SORCS2: variants seen among roughly 807,000 people sequenced by gnomAD.
SORCS2 encodes the protein sortilin related VPS10 domain containing receptor 2.
In SORCS2, 100 loss-of-function variants were observed where a neutral mutation model predicts 141.6. That is an observed-to-expected ratio of 0.71 (90% CI 0.60 to 0.83). The LOEUF is 0.83. Among genes scored for constraint, SORCS2 ranks in the 40% least tolerant of loss-of-function variants. The pLI, the probability that SORCS2 is intolerant of heterozygous loss-of-function variation, is 0.00. For missense variants in SORCS2, 1,646 were observed against 1,560.2 expected (o/e 1.05, Z -0.93); for synonymous variants, 789 against 676.9 (o/e 1.17, Z -2.57).
intron 1 of SORCS2, among the ~76,000 whole-genome samples, chr4:7,388,220 T>C (rs1484808871): frequency 2.6e-5 from 4 of 152,212 alleles, no homozygotes; most frequent in Non-Finnish European, 5.9e-5. Context: ...TTGGCCTGGC[T>C]CCTGCTCCTA....
chr4:7,466,160 A>G (rs184739152), intron 2 of SORCS2, among the ~76,000 whole-genome samples: 1 of 152,318 alleles, frequency 6.6e-6, no homozygotes, highest in African/African-American at 2.4e-5. Flanking sequence ...CCCCAAACCA[A>G]AAGGTGTTTC....
intron 4 of SORCS2, among the ~76,000 whole-genome samples, chr4:7,639,614 C>T (rs1050365379): frequency 1.4e-5 from 2 of 147,964 alleles, no homozygotes; most frequent in Non-Finnish European, 3.0e-5. Flanking sequence ...TGTATATGTG[C>T]GTGTGAATGT....
rs112120121 is a variant in SORCS2, at chr4:7,325,962, T to A, written c.481-70326T>A. Among the ~76,000 whole-genome samples the A allele has an allele frequency of 7.6e-3, 1,163 of 152,192 alleles. 9 individuals carry two copies. The highest frequency in any genetic ancestry group is 0.026 in the African/African-American group (1,065 of 41,502). Reference sequence around the variant, plus strand: ...AAGAGAGTGGGAACCTCAATGTCCCTGAGTGGAGGGCGTGGGAGTGAGCAG... The same window carrying A: ...AAGAGAGTGGGAACCTCAATGTCCCAGAGTGGAGGGCGTGGGAGTGAGCAG... On this transcript the variant is annotated intron_variant, in intron 1 of 26. Coordinates refer to ENST00000507866, the MANE Select transcript of SORCS2 (RefSeq NM_020777.3).
At chr4:7,255,617 C>T (rs1021593249) in intron 1 of SORCS2, among the ~76,000 whole-genome samples, 1 of 152,182 alleles carries the variant, frequency 6.6e-6, no homozygotes, top group Non-Finnish European at 1.5e-5. Context: ...GCTGGTTAGC[C>T]TCGTCTTCTC....
chr4:7,677,510 C>A (rs1159782149), intron 9 of SORCS2, among the ~76,000 whole-genome samples: 1 of 152,122 alleles, frequency 6.6e-6, no homozygotes, highest in African/African-American at 2.4e-5. Context: ...CCTCTTGGGA[C>A]CCCTCTCAGT....
intron 23 of SORCS2, among the ~76,000 whole-genome samples, chr4:7,730,857 A>G (rs1351016188): frequency 6.6e-6 from 1 of 152,262 alleles, no homozygotes; most frequent in Non-Finnish European, 1.5e-5. Flanking sequence ...ATTAAATTGT[A>G]CACTTTAAAA....
chr4:7,266,311 G>A (rs1182997873), intron 1 of SORCS2, among the ~76,000 whole-genome samples: 1 of 152,190 alleles, frequency 6.6e-6, no homozygotes, highest in Non-Finnish European at 1.5e-5. Context: ...GACTCCTCTG[G>A]TGAAGTGTCG....
chr4:7,455,409 G>GT (rs538750040), intron 2 of SORCS2, among the ~76,000 whole-genome samples: 239 of 129,120 alleles, frequency 1.9e-3, no homozygotes, highest in African/African-American at 6.7e-3. Context: ...GTTGGGGTCA[G>GT]GCACTGTGTT....
chr4:7,306,454 T>C (rs926787436), intron 1 of SORCS2, among the ~76,000 whole-genome samples: 1 of 152,120 alleles, frequency 6.6e-6, no homozygotes, highest in African/African-American at 2.4e-5. Context: ...CTGCTGTGTC[T>C]GAGGGTTTGC....
intron 3 of SORCS2, among the ~76,000 whole-genome samples, chr4:7,592,825 T>A (rs899975263): frequency 6.6e-6 from 1 of 152,136 alleles, no homozygotes; most frequent in Non-Finnish European, 1.5e-5. Flanking sequence ...TGTTGAATGA[T>A]TGAATGAATG....
At chr4:7,694,023 C>A (rs977292385) in intron 11 of SORCS2, among the ~76,000 whole-genome samples, 1 of 152,240 alleles carries the variant, frequency 6.6e-6, no homozygotes, top group Non-Finnish European at 1.5e-5. Context: ...TCTTGGTGAT[C>A]GCCGGTGCTC....
chr4:7,717,997 C>T lies in SORCS2; in HGVS notation c.2253-15C>T. 6.3e-7 allele frequency: 1 copy of T among 1,593,124 alleles called. No homozygotes were observed. Among genetic ancestry groups the T allele is most frequent in the Non-Finnish European group, 8.6e-7 (1 of 1,169,022 alleles). ...CCTGTCTGAAGCGGACCCTGACCCT[C>T]TCTTGTCAATCCAGGTACCGGAAAG... On this transcript the variant is annotated splice_polypyrimidine_tract_variant and intron_variant, in intron 17 of 26. Transcript: ENST00000507866.
intron 1 of SORCS2, among the ~76,000 whole-genome samples, chr4:7,313,699 C>A (rs999122466): frequency 6.6e-6 from 1 of 152,212 alleles, no homozygotes; most frequent in Non-Finnish European, 1.5e-5. Context: ...CACTGCCTCT[C>A]GCCTCCCCTT....
At chr4:7,705,443 C>T (rs1402881437) in intron 14 of SORCS2, among the ~76,000 whole-genome samples, 1 of 152,204 alleles carries the variant, frequency 6.6e-6, no homozygotes, top group East Asian at 1.9e-4. Flanking sequence ...ACGAGGCTGC[C>T]GCGACAGCCC....
At chr4:7,210,317 T>C (rs946774555) in intron 1 of SORCS2, among the ~76,000 whole-genome samples, 5 of 152,232 alleles carry the variant, frequency 3.3e-5, no homozygotes, top group African/African-American at 7.2e-5. Flanking sequence ...GGGGCTTCTC[T>C]GTGGCTCAGG....
chr4:7,598,839 C>T (rs370121358), intron 3 of SORCS2, among the ~76,000 whole-genome samples: 18 of 152,348 alleles, frequency 1.2e-4, no homozygotes, highest in African/African-American at 3.4e-4. Flanking sequence ...TGTTCTCCCC[C>T]CCAGGCTGTG....
intron 2 of SORCS2, among the ~76,000 whole-genome samples, chr4:7,471,889 C>T (rs1220202306): frequency 6.6e-6 from 1 of 152,262 alleles, no homozygotes; most frequent in Non-Finnish European, 1.5e-5. Flanking sequence ...CTGCACTGGC[C>T]TAGGTCCAAG....
In SORCS2 at chr4:7,421,825, G is replaced by T. The variant is rs371136046; in HGVS notation, c.548+25470G>T. On this transcript the variant is annotated intron_variant, in intron 2 of 26. Transcript: ENST00000507866. ...CTCCTGTCACTGAGGCCTCCTGCCT[G>T]CCACCTTGCAAATGAAATCCAGTGG... Among the ~76,000 whole-genome samples the T allele has an allele frequency of 4.0e-4, 60 of 151,780 alleles. No individual in the cohort carries two copies. In the East Asian group the frequency reaches 0.01, roughly 26 times the overall value.
intron 1 of SORCS2, among the ~76,000 whole-genome samples, chr4:7,230,197 C>A (rs186830104): frequency 5.5e-4 from 58 of 106,270 alleles, no homozygotes; most frequent in Non-Finnish European, 3.6e-4. Flanking sequence ...GTCTCTGGGC[C>A]GGAGCAGTGT....
Sources: gnomAD v4.1 joint callset for allele counts (sites outside exome capture counted in the v4.1 genomes callset) on GRCh38, gnomAD v4.1.1 for gene constraint, MANE v1.5 for transcripts, NCBI Gene and HGNC (gene_info 2026-07-23, HGNC 2026-07-21) for gene names.